Variants in BTAF1 observed in about 807,000 individuals in gnomAD.
The protein encoded by BTAF1 is TATA-binding protein-associated factor 172.
BTAF1 carries 38 observed loss-of-function variants against 227.1 expected under a neutral mutation model. That is an observed-to-expected ratio of 0.17 (90% CI 0.13 to 0.22). The LOEUF is 0.22. Among genes scored for constraint, BTAF1 ranks in the 10% least tolerant of loss-of-function variants. The pLI is 1.00. For missense variants in BTAF1, 1,598 were observed against 2,204.0 expected (o/e 0.73, Z 5.51); for synonymous variants, 742 against 751.9 (o/e 0.99, Z 0.21).
At chr10:91,966,281 TG>T (rs1336019801) in intron 13 of BTAF1, among the ~76,000 whole-genome samples, 5 of 152,208 alleles carry the variant, frequency 3.3e-5, no homozygotes. Flanking sequence ...ATCCTGATCA[TG>T]TAGGCTGACT....
At chr10:91,945,682 A>C (rs900683631) in intron 4 of BTAF1, among the ~76,000 whole-genome samples, 1 of 152,252 alleles carries the variant, frequency 6.6e-6, no homozygotes, top group Non-Finnish European at 1.5e-5. Flanking sequence ...TTATCCATTC[A>C]TCCATCAGTG....
intron 1 of BTAF1, among the ~76,000 whole-genome samples, chr10:91,926,137 G>T (rs1435572326): frequency 6.6e-6 from 1 of 152,160 alleles, no homozygotes; most frequent in Non-Finnish European, 1.5e-5. Flanking sequence ...CCTTCTCCAT[G>T]CACGAAGCAC....
rs368406482 is a variant in BTAF1 at position 91,950,115 on chromosome 10, C to G, written c.401-1288C>G. Among the ~76,000 whole-genome samples the G allele has an allele frequency of 3.1e-5, 4 of 129,392 alleles. No homozygotes were observed. In the East Asian group the frequency reaches 9.0e-4, roughly 29 times the overall value. The allele number at this position is 129,392 out of a possible 152,430, so 84.9% of individuals were successfully genotyped here. On this transcript the variant is annotated intron_variant, in intron 4 of 37. Transcript: ENST00000265990. The stretch of plus-strand genomic sequence containing the variant: ...TATGATTGTACCTACTGCACTCCAG[C>G]GTGGGTATCAGAGTGAGAGACCTTG...
chr10:92,024,992 T>TGA, intron 35 of BTAF1, 25 bp downstream of exon 35: 2 of 1,575,338 alleles, frequency 1.3e-6, no homozygotes, highest in Non-Finnish European at 1.7e-6. Context: ...AGACTCTTAT[T>TGA]CATAAATAAA....
chr10:91,967,675 T>G (rs1403040872), intron 14 of BTAF1, among the ~76,000 whole-genome samples: 2 of 152,240 alleles, frequency 1.3e-5, no homozygotes, highest in Non-Finnish European at 2.9e-5. Flanking sequence ...TGAGAACAAC[T>G]GTCAGGTTTG....
At chr10:91,972,422 C>T (rs1202609031) in intron 14 of BTAF1, among the ~76,000 whole-genome samples, 2 of 152,190 alleles carry the variant, frequency 1.3e-5, no homozygotes, top group African/African-American at 4.8e-5. Flanking sequence ...CCGTTTCTTC[C>T]TCTCTGTACC....
At chr10:92,008,079 CTG>C (rs1326625213) in intron 25 of BTAF1, 42 bp from the exon 26 acceptor site, 13 of 1,498,098 alleles carry the variant, frequency 8.7e-6, no homozygotes, top group African/African-American at 1.5e-5. Context: ...AGAATGAAAA[CTG>C]TGAGTACGTA....
chr10:91,998,289 T>A (rs1849277785), intron 25 of BTAF1, among the ~76,000 whole-genome samples: 1 of 152,132 alleles, frequency 6.6e-6, no homozygotes, highest in South Asian at 2.1e-4. Context: ...AGTTTTAATT[T>A]AAGTAAAACA....
intron 14 of BTAF1, among the ~76,000 whole-genome samples, chr10:91,971,579 T>A (rs917211946): frequency 6.6e-6 from 1 of 151,872 alleles, no homozygotes; most frequent in Non-Finnish European, 1.5e-5. Context: ...TTCAAACGAT[T>A]TCCTTCCTCA....
intron 30 of BTAF1, among the ~76,000 whole-genome samples, chr10:92,012,851 G>A (rs1283495144): frequency 6.6e-6 from 1 of 150,782 alleles, no homozygotes; most frequent in Non-Finnish European, 1.5e-5. Context: ...AAGATTTATT[G>A]TGCTTCAATT....
Position 91,923,820 on chromosome 10 carries a change from C to A in BTAF1, c.-257C>A, listed in dbSNP as rs895341937. 2.4e-6 allele frequency: 1 copy of A among 425,382 alleles called. No homozygotes were observed. The highest frequency in any genetic ancestry group is 4.2e-6 in the Non-Finnish European group (1 of 239,558). 26.4% of individuals were successfully genotyped at this position (425,382 alleles called of 1,614,324 possible). On this transcript the variant is annotated 5_prime_UTR_variant, in exon 1 of 38. Coordinates refer to ENST00000265990, the MANE Select transcript of BTAF1 (RefSeq NM_003972.3). ...AGCAAAGAGCGGAGCTGAGGGTACC[C>A]GGTTTGAAGTCGTGCGGGTCGGAGG... is the stretch of plus-strand genomic sequence containing the variant.
rs1172271591 is a variant in BTAF1 at position 91,953,740 on chromosome 10, C to A, written c.568C>A (p.Leu190Ile). The A allele has an allele frequency of 6.2e-7, 1 of 1,613,472 alleles. No homozygotes were observed. The highest frequency in any genetic ancestry group is 8.5e-7 in the Non-Finnish European group (1 of 1,179,838). The change falls in exon 6 of 38, where the codon CTT (leucine) becomes ATT (isoleucine). Residue 190 changes from leucine (L) to isoleucine (I), a missense_variant. Leu to Ile is a conservative substitution (Grantham distance 5, BLOSUM62 2). This residue lies in a region of BTAF1 where 298 missense variants were observed against 395.2 expected (regional missense o/e 0.75). Coordinates refer to ENST00000265990, the MANE Select transcript of BTAF1 (RefSeq NM_003972.3). ...CAGCATTCTTTTATTCTTTTAGACT[C>A]TTCAGGCAGCTGAATTGATTGACTC... ...SASFVNKQPT[L>I]QAAELIDSEF...
chr10:92,017,125 A>T (rs1328907536), intron 33 of BTAF1, among the ~76,000 whole-genome samples: 1 of 152,228 alleles, frequency 6.6e-6, no homozygotes, highest in African/African-American at 2.4e-5. Flanking sequence ...GAGATGAAAA[A>T]TACTTAGGTA....
At chr10:92,009,408 A>G (rs890749118) in intron 28 of BTAF1, among the ~76,000 whole-genome samples, 200 bp downstream of exon 28, 6 of 152,234 alleles carry the variant, frequency 3.9e-5, no homozygotes, top group African/African-American at 1.2e-4. Context: ...CCATTGTACA[A>G]TAAGTTGAGC....
chr10:91,937,196 TG>T (rs1374335826), intron 2 of BTAF1, among the ~76,000 whole-genome samples: 3 of 152,050 alleles, frequency 2.0e-5, no homozygotes, highest in Non-Finnish European at 2.9e-5. Flanking sequence ...GGTTTCACCA[TG>T]TTGGCTAGGA....
At chr10:91,951,264 T>C in intron 4 of BTAF1, 139 bp from the exon 5 acceptor site, 1 of 809,876 alleles carries the variant, frequency 1.2e-6, no homozygotes, top group Non-Finnish European at 1.9e-6. Context: ...GTTTATGAGA[T>C]GATCATGAAT....
chr10:91,963,968 G>T, intron 12 of BTAF1, 109 bp from the exon 13 acceptor site: 1 of 1,201,836 alleles, frequency 8.3e-7, no homozygotes, highest in Non-Finnish European at 1.2e-6. Context: ...CAAGGTCATT[G>T]GAATTGCATG....
chr10:91,953,156 G>T (rs146105439), intron 5 of BTAF1, among the ~76,000 whole-genome samples: 81 of 152,228 alleles, frequency 5.3e-4, no homozygotes, highest in African/African-American at 1.8e-3. Flanking sequence ...AATTTCAGTT[G>T]AATCTTTTGG....
intron 22 of BTAF1, among the ~76,000 whole-genome samples, chr10:91,994,254 T>A (rs1848993704): frequency 6.6e-6 from 1 of 151,818 alleles, no homozygotes; most frequent in Non-Finnish European, 1.5e-5. Context: ...GAGCCGAGAT[T>A]ATGCCACTGC....
Sources: allele counts gnomAD v4.1 joint callset (sites outside exome capture counted in the v4.1 genomes callset), GRCh38; gene constraint gnomAD v4.1.1; regional missense constraint gnomAD v4.1.1; transcripts MANE v1.5; gene names NCBI Gene and HGNC (gene_info 2026-07-23, HGNC 2026-07-21).